The following SDK1 variants were observed in gnomAD, a reference collection of about 807,000 sequenced individuals.
The protein encoded by SDK1 is sidekick cell adhesion molecule 1.
Under a neutral mutation model 245.5 loss-of-function variants are expected in SDK1, and 157 were observed. The observed-to-expected ratio is 0.64, with a 90% CI of 0.56 to 0.73. SDK1 has a LOEUF of 0.73. Among genes scored for constraint, SDK1 ranks in the 30% least tolerant of loss-of-function variants. The pLI is 0.00. For missense variants in SDK1, 3,583 were observed against 3,002.3 expected (o/e 1.19, Z -4.52); for synonymous variants, 1,647 against 1,278.5 (o/e 1.29, Z -6.15).
At chr7:4,156,600 T>C (rs930568820) in intron 30 of SDK1, among the ~76,000 whole-genome samples, 7 of 152,340 alleles carry the variant, frequency 4.6e-5, no homozygotes, top group Admixed American at 2.6e-4. Flanking sequence ...CAGTGTCACC[T>C]GGTCTTAAGC....
intron 1 of SDK1, among the ~76,000 whole-genome samples, chr7:3,604,591 T>C (rs2128639853): frequency 7.0e-6 from 1 of 142,098 alleles, no homozygotes; most frequent in African/African-American, 2.6e-5. Flanking sequence ...TTTTTCTTTT[T>C]CTTTTCTTTT....
In SDK1 at chr7:4,237,632, G is replaced by A. The variant is rs377288552; in HGVS notation, c.5993-15G>A. ...GTCTGCCCCATGTCATTGTGTGTCC[G>A]TGTCTTTTCCACAGCTCAAGTGGAA... On this transcript the variant is annotated splice_polypyrimidine_tract_variant and intron_variant, in intron 41 of 44. Coordinates refer to ENST00000404826, the MANE Select transcript of SDK1 (RefSeq NM_152744.4). 2.3e-5 allele frequency: 37 copies of A among 1,613,970 alleles called. No individual in the cohort carries two copies. Among genetic ancestry groups the A allele is most frequent in the South Asian group, 7.7e-5 (7 of 91,080 alleles).
intron 1 of SDK1, among the ~76,000 whole-genome samples, chr7:3,363,906 T>C (rs1781017980): frequency 6.6e-6 from 1 of 152,214 alleles, no homozygotes; most frequent in Non-Finnish European, 1.5e-5. Flanking sequence ...TATACTATTT[T>C]ACGTTGTCAC....
chr7:4,106,137 C>A (rs139034481), intron 22 of SDK1, among the ~76,000 whole-genome samples: 320 of 152,222 alleles, frequency 2.1e-3, no homozygotes, highest in Non-Finnish European at 3.0e-3. Flanking sequence ...AAAACAACAG[C>A]CCTGTAGATA....
rs181537876 is a variant in SDK1 at position 3,520,692 on chromosome 7, C to T, written c.299-98388C>T. 5.4e-4 allele frequency among the ~76,000 whole-genome samples: 82 copies of T among 152,214 alleles called. 1 individual carries two copies. Among genetic ancestry groups the T allele is most frequent in the African/African-American group, 1.9e-3 (77 of 41,548 alleles). On this transcript the variant is annotated intron_variant, in intron 1 of 44. Coordinates refer to ENST00000404826, the MANE Select transcript of SDK1 (RefSeq NM_152744.4). ...TAAAAACTGAAACATTAAGTCTGCC[C>T]CTTTTCTTTAATCCCTGTTCAAGAG...
At chr7:3,582,706 AAAAG>A (rs1002585969) in intron 1 of SDK1, among the ~76,000 whole-genome samples, 5 of 149,258 alleles carry the variant, frequency 3.3e-5, no homozygotes, top group African/African-American at 9.9e-5. Flanking sequence ...AAAAAAAAAA[AAAAG>A]GTACCATCAG....
intron 17 of SDK1, among the ~76,000 whole-genome samples, chr7:4,045,819 G>C (rs1306804744): frequency 2.0e-5 from 3 of 152,144 alleles, no homozygotes; most frequent in Admixed American, 2.0e-4. Context: ...ATGGGATGGT[G>C]AGGTTCTCTT....
At chr7:3,655,481 A>ATGTATGTATG (rs1243455419) in intron 4 of SDK1, among the ~76,000 whole-genome samples, 19 of 76,272 alleles carry the variant, frequency 2.5e-4, no homozygotes, top group African/African-American at 7.0e-4. Context: ...ATATATATAT[A>ATGTATGTATG]TATATATATA....
chr7:4,243,697 G>A (rs796685876), intron 43 of SDK1, among the ~76,000 whole-genome samples: 15 of 152,226 alleles, frequency 9.9e-5, no homozygotes, highest in African/African-American at 3.6e-4. Flanking sequence ...CTCCCACCAG[G>A]TCCCTCCCAC....
rs10250397 is a variant in SDK1 at position 3,546,270 on chromosome 7, G to T, written c.299-72810G>T. Among the ~76,000 whole-genome samples, 330 of 151,866 alleles carry T rather than the reference G, an allele frequency of 2.2e-3. 4 individuals are homozygous for T. The highest frequency in any genetic ancestry group is 7.7e-3 in the African/African-American group (318 of 41,232). Reference sequence around the variant, plus strand: ...ACAATGATGTACAGGAAAGGGCACTGGAAACAGAAAAGCATGGGTGTGAAT... The same window carrying T: ...ACAATGATGTACAGGAAAGGGCACTTGAAACAGAAAAGCATGGGTGTGAAT... On this transcript the variant is annotated intron_variant, in intron 1 of 44. Transcript: ENST00000404826.
At chr7:3,491,122 G>A (rs1031179828) in intron 1 of SDK1, among the ~76,000 whole-genome samples, 2 of 152,140 alleles carry the variant, frequency 1.3e-5, no homozygotes, top group African/African-American at 4.8e-5. Flanking sequence ...TCACTGAACT[G>A]CCCAGTAGAA....
intron 28 of SDK1, among the ~76,000 whole-genome samples, chr7:4,144,057 G>A (rs948890805): frequency 6.6e-6 from 1 of 151,992 alleles, no homozygotes; most frequent in South Asian, 2.1e-4. Flanking sequence ...ACTGTGCAAG[G>A]GTCGGGGAAA....
chr7:3,770,632 G>T (rs965924738), intron 4 of SDK1, among the ~76,000 whole-genome samples: 3 of 152,148 alleles, frequency 2.0e-5, no homozygotes, highest in African/African-American at 7.2e-5. Flanking sequence ...ATTCCCCCTT[G>T]CTGTGGCTGC....
chr7:3,309,956 G>C (rs1367758017), intron 1 of SDK1, among the ~76,000 whole-genome samples: 2 of 152,188 alleles, frequency 1.3e-5, no homozygotes, highest in African/African-American at 4.8e-5. Flanking sequence ...AGAAAAAAAG[G>C]ATTTTATTGT....
At chr7:3,692,045 A>G (rs1395354441) in intron 4 of SDK1, among the ~76,000 whole-genome samples, 1 of 152,136 alleles carries the variant, frequency 6.6e-6, no homozygotes, top group Non-Finnish European at 1.5e-5. Flanking sequence ...GGCACTCAGA[A>G]TATAGCTGTG....
intron 1 of SDK1, among the ~76,000 whole-genome samples, chr7:3,486,127 C>G (rs1199164803): frequency 6.6e-6 from 1 of 151,758 alleles, no homozygotes; most frequent in Non-Finnish European, 1.5e-5. Flanking sequence ...TTGATTTCTT[C>G]TATGGTTATT....
chr7:3,321,764 TTCCTTCCTTCCTTC>T (rs1399034597), intron 1 of SDK1, among the ~76,000 whole-genome samples: 8 of 75,364 alleles, frequency 1.1e-4, no homozygotes, highest in African/African-American at 3.4e-4. Flanking sequence ...CCTCCCTCCC[TTCCTTCCTTCCTTC>T]TCCTTCCTTC....
Position 3,407,520 on chromosome 7 carries a change from A to G in SDK1, c.298+105636A>G, listed in dbSNP as rs146686858. On this transcript the variant is annotated intron_variant, in intron 1 of 44. Coordinates refer to ENST00000404826, the MANE Select transcript of SDK1 (RefSeq NM_152744.4). The stretch of plus-strand genomic sequence containing the variant: ...ACCAGTAAAATGAAGGAAAAAATCA[A>G]CATAGTGGCGGGATACTTACATCCA... 3.5e-3 allele frequency among the ~76,000 whole-genome samples: 527 copies of G among 152,316 alleles called. 6 individuals are homozygous for G. The highest frequency in any genetic ancestry group is 4.2e-3 in the Non-Finnish European group (284 of 68,024).
intron 17 of SDK1, among the ~76,000 whole-genome samples, chr7:4,043,328 G>T (rs891066054): frequency 1.3e-5 from 2 of 150,900 alleles, no homozygotes; most frequent in African/African-American, 4.9e-5. Context: ...ACAGCCGGGG[G>T]CCCAGGTAGA....
Sources: gnomAD v4.1 joint callset for allele counts (sites outside exome capture counted in the v4.1 genomes callset) on GRCh38, gnomAD v4.1.1 for gene constraint, MANE v1.5 for transcripts, NCBI Gene and HGNC (gene_info 2026-07-23, HGNC 2026-07-21) for gene names.